The following AUTS2 variants were observed in gnomAD, a reference collection of about 807,000 sequenced individuals.
AUTS2 encodes the protein activator of transcription and developmental regulator AUTS2.
In AUTS2, 17 loss-of-function variants were observed where a neutral mutation model predicts 112.4. The ratio of observed to expected loss-of-function variants is 0.15; its 90% CI spans 0.10 to 0.23. The LOEUF (loss-of-function observed/expected upper bound fraction) is 0.23. AUTS2 is among the 10% of genes least tolerant of loss of function. The probability of loss-of-function intolerance (pLI) is 1.00; values close to 1 mark genes in which losing one functional copy is unlikely to be tolerated. For missense variants in AUTS2, 1,510 were observed against 1,701.6 expected, an observed-to-expected ratio of 0.89 and a Z score of 1.98; for synonymous variants, 751 against 702.7, an observed-to-expected ratio of 1.07 and a Z score of -1.09.
At chr7:70,483,742 T>TGA (rs1240691412) in intron 5 of AUTS2, among the ~76,000 whole-genome samples, 2 of 152,078 alleles carry the variant, frequency 1.3e-5, no homozygotes, top group Admixed American at 6.5e-5. Context: ...TGAATGAAAG[T>TGA]GAGATGTCTC....
intron 2 of AUTS2, among the ~76,000 whole-genome samples, chr7:70,117,781 C>T (rs528796624): frequency 9.4e-5 from 14 of 149,696 alleles, no homozygotes; most frequent in African/African-American, 1.5e-4. Flanking sequence ...GGAGTCTTAA[C>T]GCTGTCGCCC....
At chr7:70,186,565 T>C (rs1004336125) in intron 4 of AUTS2, among the ~76,000 whole-genome samples, 5 of 152,126 alleles carry the variant, frequency 3.3e-5, no homozygotes, top group African/African-American at 9.7e-5. Context: ...ACATTAAATA[T>C]GTGGAATTTA....
chr7:70,697,007 TTTTA>T (rs1274291569), intron 5 of AUTS2, among the ~76,000 whole-genome samples: 1 of 152,188 alleles, frequency 6.6e-6, no homozygotes, highest in Non-Finnish European at 1.5e-5. Flanking sequence ...TATCTCGAGT[TTTTA>T]GCTGGGAAAC....
chr7:69,687,924 T>TA lies in AUTS2; in HGVS notation c.309+87964dup, dbSNP rs1562811233. Among the ~76,000 whole-genome samples, 4 of 152,184 alleles carry TA rather than the reference T, an allele frequency of 2.6e-5. No homozygotes were observed. The South Asian group carries it at 6.2e-4, about 24-fold the overall frequency. ...AAACACAAAAGAGGATTAAGCCATA[T>TA]AATGGACTATTTATGTGTCAAATTA... On this transcript the variant is annotated intron_variant, in intron 1 of 18. Transcript: ENST00000342771.
chr7:70,428,228 AATATG>A (rs1795510520), intron 4 of AUTS2, among the ~76,000 whole-genome samples: 1 of 152,194 alleles, frequency 6.6e-6, no homozygotes, highest in South Asian at 2.1e-4. Context: ...GTCCAAAACC[AATATG>A]AGAGCAATGT....
chr7:70,763,592 G>A (rs900321018), intron 7 of AUTS2, among the ~76,000 whole-genome samples: 1 of 151,888 alleles, frequency 6.6e-6, no homozygotes, highest in Admixed American at 6.5e-5. Flanking sequence ...CGAGAGTGGA[G>A]GCGGAAGGAG....
intron 4 of AUTS2, among the ~76,000 whole-genome samples, chr7:70,371,653 A>G (rs565888110): frequency 1.4e-4 from 21 of 152,328 alleles, no homozygotes; most frequent in Middle Eastern, 3.4e-3. Flanking sequence ...AATGATTTCA[A>G]TCTCTTTGAG....
chr7:69,666,304 C>T (rs543521873), intron 1 of AUTS2, among the ~76,000 whole-genome samples: 18 of 152,260 alleles, frequency 1.2e-4, no homozygotes, highest in African/African-American at 4.3e-4. Context: ...TGAATGAATA[C>T]TATGTAATTA....
At chr7:70,226,360 A>ATTTTTT (rs34184657) in intron 4 of AUTS2, among the ~76,000 whole-genome samples, 10 of 136,412 alleles carry the variant, frequency 7.3e-5, no homozygotes, top group Non-Finnish European at 9.3e-5. Flanking sequence ...TGCCCGGCTA[A>ATTTTTT]TTTTTTTTTT....
chr7:70,447,275 C>T (rs930094363), intron 5 of AUTS2, among the ~76,000 whole-genome samples: 10 of 152,228 alleles, frequency 6.6e-5, no homozygotes, highest in East Asian at 3.9e-4. Flanking sequence ...GGAGTGTAGG[C>T]GTGATTACCT....
intron 5 of AUTS2, among the ~76,000 whole-genome samples, chr7:70,621,721 G>A (rs1319951750): frequency 1.3e-5 from 2 of 151,140 alleles, no homozygotes; most frequent in Non-Finnish European, 2.9e-5. Flanking sequence ...CAAAAGCAAA[G>A]ATTAAGGAAA....
intron 4 of AUTS2, among the ~76,000 whole-genome samples, chr7:70,274,769 G>A (rs1787852762): frequency 6.6e-6 from 1 of 152,144 alleles, no homozygotes; most frequent in Admixed American, 6.5e-5. Flanking sequence ...TAATGCCATG[G>A]AGGCCTGAAA....
At chr7:70,243,231 TTGTGTGTG>T (rs3078161) in intron 4 of AUTS2, among the ~76,000 whole-genome samples, 11,113 of 131,672 alleles carry the variant, frequency 0.084, 483 homozygotes, top group African/African-American at 0.12. Flanking sequence ...GAATGTATCC[TTGTGTGTG>T]TGTGTGTGTG....
At chr7:69,998,801 C>T (rs182345921) in intron 2 of AUTS2, among the ~76,000 whole-genome samples, 90 of 152,114 alleles carry the variant, frequency 5.9e-4, no homozygotes, top group African/African-American at 2.0e-3. Flanking sequence ...AGAAGAAATC[C>T]CCCTTACCAT....
chr7:70,294,181 A>G (rs1562857551), intron 4 of AUTS2: 3 of 152,352 alleles, frequency 2.0e-5, no homozygotes, highest in East Asian at 1.9e-4. Flanking sequence ...AAGGCATTGC[A>G]TAGCTGGAAG....
chr7:69,651,448 T>C (rs1795282941), intron 1 of AUTS2, among the ~76,000 whole-genome samples: 1 of 152,258 alleles, frequency 6.6e-6, no homozygotes, highest in South Asian at 2.1e-4. Context: ...TTGTTTGAAC[T>C]AGCGTGTTCT....
intron 5 of AUTS2, among the ~76,000 whole-genome samples, chr7:70,537,062 C>T (rs974156153): frequency 2.6e-5 from 4 of 152,118 alleles, no homozygotes; most frequent in Admixed American, 6.6e-5. Flanking sequence ...ACTTTAAGGC[C>T]GCTGAAACCC....
intron 2 of AUTS2, among the ~76,000 whole-genome samples, chr7:70,116,322 C>A (rs1805354703): frequency 6.6e-6 from 1 of 152,072 alleles, no homozygotes; most frequent in Non-Finnish European, 1.5e-5. Flanking sequence ...AAAAGAATGC[C>A]TTGTTTTGGA....
intron 4 of AUTS2, among the ~76,000 whole-genome samples, chr7:70,356,506 C>A (rs1792015653): frequency 6.6e-6 from 1 of 152,118 alleles, no homozygotes. Flanking sequence ...CTTTTATTGC[C>A]AGTTGGGTTT....
Sources: allele counts gnomAD v4.1 joint callset (sites outside exome capture counted in the v4.1 genomes callset), GRCh38; gene constraint gnomAD v4.1.1; transcripts MANE v1.5; gene names NCBI Gene and HGNC (gene_info 2026-07-23, HGNC 2026-07-21).